Variants in THSD7A observed in about 807,000 individuals in gnomAD.
THSD7A encodes thrombospondin type-1 domain-containing protein 7A.
THSD7A carries 96 observed loss-of-function variants against 231.3 expected under a neutral mutation model. The ratio of observed to expected loss-of-function variants is 0.41; its 90% CI spans 0.35 to 0.49. The LOEUF (loss-of-function observed/expected upper bound fraction) is 0.49. Ranked by LOEUF, THSD7A falls within the 20% of genes least tolerant of loss-of-function variation. The pLI, the probability that THSD7A is intolerant of heterozygous loss-of-function variation, is 0.05. For missense variants in THSD7A, 2,290 were observed against 2,070.2 expected (o/e 1.11, Z -2.06); for synonymous variants, 940 against 743.3 (o/e 1.26, Z -4.30).
chr7:11,774,730 A>G (rs937851773), intron 1 of THSD7A, among the ~76,000 whole-genome samples: 1 of 152,208 alleles, frequency 6.6e-6, no homozygotes, highest in African/African-American at 2.4e-5. Context: ...TTATGCTAGT[A>G]TATTTCTATC....
At chr7:11,407,515 A>C in intron 19 of THSD7A, 92 bp from the exon 20 acceptor site, 2 of 869,586 alleles carry the variant, frequency 2.3e-6, no homozygotes, top group South Asian at 1.5e-5. Context: ...AGGAGGGAGA[A>C]AAAGCAAGCC....
At chr7:11,592,844 A>G (rs1780216645) in intron 3 of THSD7A, among the ~76,000 whole-genome samples, 2 of 152,210 alleles carry the variant, frequency 1.3e-5, no homozygotes, top group East Asian at 1.9e-4. Flanking sequence ...GCCCAAGATC[A>G]TATCAACCTG....
rs1782168072 is a variant in THSD7A at position 11,374,077 on chromosome 7, T to C, written c.*1717A>G. On this transcript the variant is annotated 3_prime_UTR_variant, in exon 28 of 28. Coordinates refer to ENST00000423059, the MANE Select transcript of THSD7A (RefSeq NM_015204.3). ...ACTGTAAATTCTCACCTTTGAAAAA[T>C]GAATGAAAACGAAAGATGACACCAT... is the stretch of plus-strand genomic sequence containing the variant. 1 of 151,978 alleles carries C rather than the reference T, an allele frequency of 6.6e-6. No individual in the cohort carries two copies. The highest frequency in any genetic ancestry group is 1.5e-5 in the Non-Finnish European group (1 of 67,960). The allele number at this position is 151,978 out of a possible 1,614,324, so 9.4% of individuals were successfully genotyped here.
intron 1 of THSD7A, among the ~76,000 whole-genome samples, chr7:11,649,122 G>T (rs183945570): frequency 8.5e-5 from 13 of 152,074 alleles, no homozygotes; most frequent in Non-Finnish European, 1.5e-4. Context: ...CTTCTGACTT[G>T]CCCTCTCTTG....
At chr7:11,404,558 C>T (rs1165580429) in intron 22 of THSD7A, among the ~76,000 whole-genome samples, 1 of 152,202 alleles carries the variant, frequency 6.6e-6, no homozygotes, top group Non-Finnish European at 1.5e-5. Context: ...CTGTCACCTG[C>T]TGCCACAGCC....
intron 5 of THSD7A, 130 bp from the exon 6 acceptor site, chr7:11,541,761 G>A (rs1789159525): frequency 1.3e-6 from 1 of 782,662 alleles, no homozygotes; most frequent in Non-Finnish European, 2.1e-6. Context: ...TGAGTCACTG[G>A]TGTATCCCCA....
chr7:11,710,478 G>C (rs1040333647), intron 1 of THSD7A, among the ~76,000 whole-genome samples: 5 of 150,804 alleles, frequency 3.3e-5, no homozygotes, highest in Admixed American at 6.6e-5. Flanking sequence ...GCAAAAACAT[G>C]CTGCAAAATT....
intron 23 of THSD7A, among the ~76,000 whole-genome samples, chr7:11,393,994 C>A (rs1174947412): frequency 1.3e-5 from 2 of 151,986 alleles, no homozygotes. Flanking sequence ...GGCCAACATT[C>A]AAATTCAGGA....
chr7:11,719,929 A>G (rs962391446), intron 1 of THSD7A, among the ~76,000 whole-genome samples: 6 of 151,386 alleles, frequency 4.0e-5, no homozygotes, highest in African/African-American at 1.2e-4. Flanking sequence ...CTCCTTAACT[A>G]TAACTCTGTA....
chr7:11,555,874 T>C lies in THSD7A; in HGVS notation c.1454-12757A>G, dbSNP rs148983527. On this transcript the variant is annotated intron_variant, in intron 4 of 27. Transcript: ENST00000423059. ...ATTTTCTTTGCTTTGATGCCTAATT[T>C]ATTCGATGTTATCATAGCCACTCCT... Among the ~76,000 whole-genome samples, 519 of 151,922 alleles carry C rather than the reference T, an allele frequency of 3.4e-3. 3 individuals carry two copies. The highest frequency in any genetic ancestry group is 0.012 in the African/African-American group (495 of 41,518).
intron 1 of THSD7A, among the ~76,000 whole-genome samples, chr7:11,702,287 G>A (rs957173794): frequency 6.6e-6 from 1 of 151,210 alleles, no homozygotes; most frequent in Non-Finnish European, 1.5e-5. Context: ...TTGAGTAGTT[G>A]TCTGAAAGGT....
At chr7:11,456,330 A>T (rs1202230663) in intron 11 of THSD7A, among the ~76,000 whole-genome samples, 1 of 151,744 alleles carries the variant, frequency 6.6e-6, no homozygotes, top group Non-Finnish European at 1.5e-5. Context: ...TTTAATTTTA[A>T]TTTTTACTAC....
chr7:11,663,382 A>G lies in THSD7A; in HGVS notation c.191-26421T>C, dbSNP rs138604216. On this transcript the variant is annotated intron_variant, in intron 1 of 27. Transcript: ENST00000423059. Reference sequence around the variant, plus strand: ...ATAATGAAAACATGTCTGCAAGGAAAATGTTTGGCCCTGATAACTTAATTG... The same window carrying G: ...ATAATGAAAACATGTCTGCAAGGAAGATGTTTGGCCCTGATAACTTAATTG... Among the ~76,000 whole-genome samples, 410 of 151,696 alleles carry G rather than the reference A, an allele frequency of 2.7e-3. 3 individuals carry two copies. The highest frequency in any genetic ancestry group is 9.5e-3 in the African/African-American group (394 of 41,512).
At chr7:11,754,060 A>G (rs1393735481) in intron 1 of THSD7A, among the ~76,000 whole-genome samples, 1 of 152,018 alleles carries the variant, frequency 6.6e-6, no homozygotes, top group Non-Finnish European at 1.5e-5. Flanking sequence ...AAGAAACTAG[A>G]AAGTTTGGCC....
intron 4 of THSD7A, among the ~76,000 whole-genome samples, chr7:11,567,436 G>A (rs1275131927): frequency 6.6e-6 from 1 of 152,118 alleles, no homozygotes; most frequent in Non-Finnish European, 1.5e-5. Context: ...TGGAGATTAG[G>A]GGGATTACAG....
chr7:11,481,716 C>T, intron 7 of THSD7A, 72 bp downstream of exon 7: 1 of 1,415,078 alleles, frequency 7.1e-7, no homozygotes. Context: ...ATCATCTTTT[C>T]CAGGCTACAC....
intron 4 of THSD7A, among the ~76,000 whole-genome samples, chr7:11,589,180 A>G (rs1780049551): frequency 1.3e-5 from 2 of 152,110 alleles, no homozygotes; most frequent in African/African-American, 4.8e-5. Flanking sequence ...ATCTGGTGGT[A>G]TCAAATAGGG....
At chr7:11,499,299 G>C (rs960457874) in intron 6 of THSD7A, among the ~76,000 whole-genome samples, 1 of 152,206 alleles carries the variant, frequency 6.6e-6, no homozygotes, top group Non-Finnish European at 1.5e-5. Context: ...TGACTGCACT[G>C]AGTTGACATG....
At chr7:11,473,208 C>T (rs576771744) in intron 8 of THSD7A, among the ~76,000 whole-genome samples, 3 of 152,216 alleles carry the variant, frequency 2.0e-5, no homozygotes, top group South Asian at 2.1e-4. Flanking sequence ...ACAAACATCT[C>T]ATAATGGGAT....
Sources: allele counts gnomAD v4.1 joint callset (sites outside exome capture counted in the v4.1 genomes callset), GRCh38; gene constraint gnomAD v4.1.1; transcripts MANE v1.5; gene names NCBI Gene and HGNC (gene_info 2026-07-23, HGNC 2026-07-21).